The following KCNC2 variants were observed in gnomAD, a reference collection of about 807,000 sequenced individuals.
The protein encoded by KCNC2 is potassium voltage-gated channel subfamily C member 2.
In KCNC2, 21 loss-of-function variants were observed where a neutral mutation model predicts 44.5. The observed-to-expected ratio is 0.47, with a 90% CI of 0.33 to 0.68. The LOEUF is 0.68. Among genes scored for constraint, KCNC2 ranks in the 30% least tolerant of loss-of-function variants. The pLI, the probability that KCNC2 is intolerant of heterozygous loss-of-function variation, is 0.01. For missense variants in KCNC2, 589 were observed against 826.2 expected (o/e 0.71, Z 3.52); for synonymous variants, 391 against 339.1 (o/e 1.15, Z -1.68).
rs976043429 is a variant in KCNC2 at position 75,044,725 on chromosome 12, A to G, written c.1781-1484T>C. On this transcript the variant is annotated intron_variant, in intron 4 of 4. Transcript: ENST00000549446. ...CCCTCCCCTCACAAAATGCACACAC[A>G]TTAACCTTCAGCAGACTAGTTGCTT... The G allele has an allele frequency of 1.3e-5, 2 of 152,010 alleles. 1 individual carries two copies. The highest frequency in any genetic ancestry group is 4.8e-5 in the African/African-American group (2 of 41,436). The allele number at this position is 152,010 out of a possible 1,614,324, so 9.4% of individuals were successfully genotyped here.
At chr12:75,206,352 C>A (rs1013871170) in intron 2 of KCNC2, among the ~76,000 whole-genome samples, 1 of 152,096 alleles carries the variant, frequency 6.6e-6, no homozygotes, top group Non-Finnish European at 1.5e-5. Context: ...ATTTATATGT[C>A]TTTATTTCCT....
chr12:75,164,669 T>C (rs1891330143), intron 2 of KCNC2, among the ~76,000 whole-genome samples: 1 of 151,594 alleles, frequency 6.6e-6, no homozygotes, highest in Non-Finnish European at 1.5e-5. Context: ...ATAAGTAAAT[T>C]CCAGTCCCTG....
rs956805440 is a variant in KCNC2 at position 75,082,470 on chromosome 12, A to G, written c.688-31153T>C. On this transcript the variant is annotated intron_variant, in intron 2 of 4. Coordinates refer to ENST00000549446, the MANE Select transcript of KCNC2 (RefSeq NM_139137.4). The stretch of plus-strand genomic sequence containing the variant: ...TTAGTAATATGACCCTAAAATCTTG[A>G]AAATGTAAATTCTATTTGATTCAGA... 6.6e-5 allele frequency among the ~76,000 whole-genome samples: 10 copies of G among 151,466 alleles called. 1 individual carries two copies. The highest frequency in any genetic ancestry group is 5.9e-4 in the Admixed American group (9 of 15,132).
rs184974513 is a variant in KCNC2, at chr12:75,106,620, A to T, written c.688-55303T>A. On this transcript the variant is annotated intron_variant, in intron 2 of 4. Transcript: ENST00000549446. ...TGGATGCATATAGATACATAGAATC[A>T]TACACAGGTTTCTTCCAGATTGATA... 9.1e-4 allele frequency among the ~76,000 whole-genome samples: 138 copies of T among 152,302 alleles called. 1 individual carries two copies. Among genetic ancestry groups the T allele is most frequent in the African/African-American group, 2.8e-3 (116 of 41,570 alleles).
chr12:75,104,250 G>A (rs1045716306), intron 2 of KCNC2, among the ~76,000 whole-genome samples: 5 of 152,152 alleles, frequency 3.3e-5, no homozygotes, highest in African/African-American at 1.2e-4. Flanking sequence ...AAAAGCACGG[G>A]TGGCATCTAC....
At chr12:75,104,781 C>T (rs564905259) in intron 2 of KCNC2, among the ~76,000 whole-genome samples, 19 of 152,132 alleles carry the variant, frequency 1.2e-4, no homozygotes, top group African/African-American at 3.6e-4. Flanking sequence ...GTAACTTGCC[C>T]AAAGTTACAC....
At chr12:75,196,891 G>T (rs972617443) in intron 2 of KCNC2, among the ~76,000 whole-genome samples, 7 of 152,008 alleles carry the variant, frequency 4.6e-5, no homozygotes, top group Non-Finnish European at 7.4e-5. Context: ...ACATCCTGCT[G>T]AACTACAGGT....
At chr12:75,169,556 G>A (rs560104866) in intron 2 of KCNC2, among the ~76,000 whole-genome samples, 1 of 151,608 alleles carries the variant, frequency 6.6e-6, no homozygotes, top group South Asian at 2.1e-4. Context: ...AAAGCAAAAA[G>A]GAATGTAATT....
rs979244800 is a variant in KCNC2 at position 75,043,090 on chromosome 12, GT to G, written c.*14del. On this transcript the variant is annotated 3_prime_UTR_variant, in exon 5 of 5. Transcript: ENST00000549446. ...TAATACAATTTAGCCGACTGATGCAGTTTGGTTGTTTGGTTTACAAGATAGA... is the reference window on the plus strand; with the variant it reads ...TAATACAATTTAGCCGACTGATGCAGTTGGTTGTTTGGTTTACAAGATAGA... 3.7e-6 allele frequency: 6 copies of G among 1,610,642 alleles called. No individual in the cohort carries two copies. The African/African-American group carries it at 4.0e-5, about 11-fold the overall frequency.
At chr12:75,188,156 T>C (rs1342057315) in intron 2 of KCNC2, among the ~76,000 whole-genome samples, 2 of 152,240 alleles carry the variant, frequency 1.3e-5, no homozygotes, top group Non-Finnish European at 2.9e-5. Flanking sequence ...TGTTTTGTTC[T>C]GTCAGTGTGC....
intron 2 of KCNC2, among the ~76,000 whole-genome samples, chr12:75,096,742 A>G (rs1885955080): frequency 6.6e-6 from 1 of 152,088 alleles, no homozygotes; most frequent in Admixed American, 6.6e-5. Context: ...AAGCTTATTC[A>G]TATTTAATCA....
intron 2 of KCNC2, among the ~76,000 whole-genome samples, chr12:75,185,172 C>T (rs1481484179): frequency 5.9e-5 from 9 of 152,078 alleles, no homozygotes. Context: ...TAGTAACATA[C>T]TATATTTAAT....
intron 2 of KCNC2, among the ~76,000 whole-genome samples, chr12:75,121,088 C>T (rs1888016763): frequency 6.6e-6 from 1 of 152,166 alleles, no homozygotes; most frequent in South Asian, 2.1e-4. Flanking sequence ...GTTTCCATTC[C>T]TAACCCTTAC....
chr12:75,173,422 T>C (rs1228672947), intron 2 of KCNC2, among the ~76,000 whole-genome samples: 2 of 151,872 alleles, frequency 1.3e-5, no homozygotes, highest in Non-Finnish European at 2.9e-5. Context: ...TCATTTCTTC[T>C]TCCAGATTTG....
intron 2 of KCNC2, among the ~76,000 whole-genome samples, chr12:75,128,115 T>C (rs1888566520): frequency 6.6e-6 from 1 of 152,198 alleles, no homozygotes; most frequent in African/African-American, 2.4e-5. Context: ...AATGGAAATC[T>C]ATTATATTCA....
chr12:75,085,362 G>A (rs189018563), intron 2 of KCNC2, among the ~76,000 whole-genome samples: 163 of 152,138 alleles, frequency 1.1e-3, no homozygotes, highest in African/African-American at 3.4e-3. Flanking sequence ...AGAGAATGGG[G>A]GAAGAGGAAG....
chr12:75,071,443 G>A (rs1883390122), intron 2 of KCNC2, among the ~76,000 whole-genome samples: 1 of 152,098 alleles, frequency 6.6e-6, no homozygotes, highest in Non-Finnish European at 1.5e-5. Flanking sequence ...CACATTATTT[G>A]TAATCTTAAA....
chr12:75,195,914 T>C lies in KCNC2; in HGVS notation c.687+11383A>G, dbSNP rs76934360. ...TGTCTCCTGGTGTACCTCCCCACCC[T>C]TTGCTCAATGCTCCAGTGGTATTTA... On this transcript the variant is annotated intron_variant, in intron 2 of 4. Coordinates refer to ENST00000549446, the MANE Select transcript of KCNC2 (RefSeq NM_139137.4). Among the ~76,000 whole-genome samples the C allele has an allele frequency of 3.7e-3, 567 of 152,200 alleles. 1 individual carries two copies. The highest frequency in any genetic ancestry group is 0.013 in the African/African-American group (533 of 41,544).
intron 2 of KCNC2, among the ~76,000 whole-genome samples, chr12:75,137,208 A>G (rs1303422012): frequency 6.6e-6 from 1 of 152,094 alleles, no homozygotes; most frequent in Non-Finnish European, 1.5e-5. Context: ...GCATCAGTAG[A>G]TGTTTTTCTC....
Sources: gnomAD v4.1 joint callset for allele counts (sites outside exome capture counted in the v4.1 genomes callset) on GRCh38, gnomAD v4.1.1 for gene constraint, MANE v1.5 for transcripts, NCBI Gene and HGNC (gene_info 2026-07-23, HGNC 2026-07-21) for gene names.